Variants in SMAP2 observed in about 807,000 individuals in gnomAD.
SMAP2 encodes the protein small ArfGAP2, also known as stromal membrane-associated protein 2.
A neutral mutation model predicts 56.4 loss-of-function variants in SMAP2; 25 were observed. That is an observed-to-expected ratio of 0.44 (90% confidence interval 0.32 to 0.62). The LOEUF is 0.62. SMAP2 is among the 20% of genes least tolerant of loss of function. SMAP2 has a pLI of 0.04. For missense variants in SMAP2, 388 were observed against 545.6 expected, an observed-to-expected ratio of 0.71 and a Z score of 2.88; for synonymous variants, 157 against 181.7, an observed-to-expected ratio of 0.86 and a Z score of 1.09.
chr1:40,401,971 A>G lies in SMAP2; in HGVS notation c.104-4765A>G, dbSNP rs1056745313. On this transcript the variant is annotated intron_variant, in intron 1 of 9. Transcript: ENST00000372718. ...GTTTTAGTATTGCTTGATGCTGCCC[A>G]CGCCTGCTCTTAGGCTCCTGTTGAA... Among the ~76,000 whole-genome samples, 15 of 152,276 alleles carry G rather than the reference A, an allele frequency of 9.9e-5. 1 individual carries two copies. The highest frequency in any genetic ancestry group is 5.8e-4 in the East Asian group (3 of 5,182).
rs191338386 is a variant in SMAP2, at chr1:40,407,007, A to T, written c.237+138A>T. ...TAAACACTTAACATCAGATTCTTGT[A>T]CCCTAACAGAAATTTTTATTCTTTC... On this transcript the variant is annotated intron_variant, in intron 2 of 9. Coordinates refer to ENST00000372718, the MANE Select transcript of SMAP2 (RefSeq NM_022733.3). The T allele has an allele frequency of 2.9e-4, 245 of 841,668 alleles. No individual in the cohort carries two copies. The African/African-American group carries it at 3.3e-3, about 11-fold the overall frequency. The allele number at this position is 841,668 out of a possible 1,614,324, so 52.1% of individuals were successfully genotyped here.
chr1:40,363,723 G>T (rs1478202480), intron 2 of SMAP2, among the ~76,000 whole-genome samples: 6 of 152,178 alleles, frequency 3.9e-5, no homozygotes, highest in Non-Finnish European at 5.9e-5. Context: ...GTCTTGAATT[G>T]CTGATGCCAC....
At position 40,386,889 on chromosome 1, in the gene SMAP2, C is replaced by T. The variant is rs998493460; in HGVS notation, c.103+12666C>T. Among the ~76,000 whole-genome samples the T allele has an allele frequency of 6.9e-6, 1 of 145,308 alleles. No individual in the cohort carries two copies. The highest frequency in any genetic ancestry group is 2.6e-5 in the African/African-American group (1 of 38,534). On this transcript the variant is annotated intron_variant, in intron 1 of 9. Coordinates refer to ENST00000372718, the MANE Select transcript of SMAP2 (RefSeq NM_022733.3). The surrounding 1 kb of genome is among the most constrained non-coding windows in gnomAD (Gnocchi z 4.1). The stretch of plus-strand genomic sequence containing the variant: ...TTTTTTTTGGAGACAAGGTCTCTCG[C>T]TCCGTCGCCCAAGCTGGAGTACAGT...
At chr1:40,359,727 T>C (rs1047168521) in intron 1 of SMAP2, among the ~76,000 whole-genome samples, 5 of 152,180 alleles carry the variant, frequency 3.3e-5, no homozygotes, top group African/African-American at 1.2e-4. Context: ...CTGCAAATCA[T>C]CTCTTATAAC....
chr1:40,374,510 G>T lies in SMAP2; in HGVS notation c.103+287G>T. ...ATGTCTGTATTTGAGGGCTCTGAAT[G>T]AGTTCTGGGCCGGCTGTCCAGAGAG... On this transcript the variant is annotated intron_variant, in intron 1 of 9. Coordinates refer to ENST00000372718, the MANE Select transcript of SMAP2 (RefSeq NM_022733.3). The surrounding 1 kb of genome is among the most constrained non-coding windows in gnomAD (Gnocchi z 5.9). The T allele has an allele frequency of 1.3e-6, 1 of 772,172 alleles. No individual in the cohort carries two copies. Among genetic ancestry groups the T allele is most frequent in the South Asian group, 1.7e-5 (1 of 59,884 alleles). The allele number at this position is 772,172 out of a possible 1,614,324, so 47.8% of individuals were successfully genotyped here.
At chr1:40,377,821 T>C (rs1044278886) in intron 1 of SMAP2, among the ~76,000 whole-genome samples, 1 of 152,210 alleles carries the variant, frequency 6.6e-6, no homozygotes, top group African/African-American at 2.4e-5. Flanking sequence ...CTATCTTATT[T>C]ACCATGAAAG....
intron 1 of SMAP2, among the ~76,000 whole-genome samples, chr1:40,390,836 G>A (rs957978960): frequency 6.6e-6 from 1 of 152,084 alleles, no homozygotes; most frequent in African/African-American, 2.4e-5. Flanking sequence ...CATTCCTAAG[G>A]TTTGTTACAA....
At chr1:40,393,027 G>A (rs1308559433) in intron 1 of SMAP2, among the ~76,000 whole-genome samples, 1 of 151,674 alleles carries the variant, frequency 6.6e-6, no homozygotes, top group East Asian at 1.9e-4. Flanking sequence ...GCTTGAACCC[G>A]GGAGGCGGAG....
At chr1:40,414,495 A>G (rs1391125400) in intron 6 of SMAP2, among the ~76,000 whole-genome samples, 1 of 152,186 alleles carries the variant, frequency 6.6e-6, no homozygotes, top group Non-Finnish European at 1.5e-5. Flanking sequence ...TGTGTTACTT[A>G]CTGTCTGTGT....
At chr1:40,403,712 C>A (rs760909508) in intron 1 of SMAP2, 32 of 911,312 alleles carry the variant, frequency 3.5e-5, no homozygotes, top group Non-Finnish European at 4.2e-5. Flanking sequence ...CTATTGTACA[C>A]GTTTTATAGA....
At chr1:40,409,167 C>T (rs983371764) in intron 3 of SMAP2, among the ~76,000 whole-genome samples, 1 of 152,216 alleles carries the variant, frequency 6.6e-6, no homozygotes. Context: ...TTGTCAATAA[C>T]CAATAACTTT....
intron 1 of SMAP2, among the ~76,000 whole-genome samples, chr1:40,402,023 CTTGTG>C (rs1292625756): frequency 6.6e-6 from 1 of 152,020 alleles, no homozygotes; most frequent in Non-Finnish European, 1.5e-5. Context: ...TGACCTTGTT[CTTGTG>C]TTGTGCCGAT....
intron 1 of SMAP2, chr1:40,393,556 T>C (rs1012719650): frequency 1.3e-4 from 198 of 1,483,834 alleles, no homozygotes; most frequent in Non-Finnish European, 1.7e-4. Context: ...TTTTTTTTTT[T>C]TTTTTTTGTG....
intron 9 of SMAP2, among the ~76,000 whole-genome samples, chr1:40,420,396 G>C (rs961122388): frequency 1.3e-5 from 2 of 152,090 alleles, no homozygotes; most frequent in African/African-American, 2.4e-5. Context: ...ACATCAAAAA[G>C]AGTAACAACA....
At chr1:40,349,803 G>A (rs372674140) in intron 1 of SMAP2, among the ~76,000 whole-genome samples, 4 of 152,340 alleles carry the variant, frequency 2.6e-5, no homozygotes, top group South Asian at 2.1e-4. Flanking sequence ...ATAGGCGTGA[G>A]CCACCATGCC....
intron 4 of SMAP2, 147 bp from the exon 5 acceptor site, chr1:40,412,869 C>A (rs1644950370): frequency 1.6e-6 from 1 of 614,730 alleles, no homozygotes; most frequent in Non-Finnish European, 2.8e-6. Flanking sequence ...ATGCTCCACA[C>A]CAAGACACCG....
At chr1:40,353,227 T>C (rs1331581426) in intron 1 of SMAP2, among the ~76,000 whole-genome samples, 1 of 152,182 alleles carries the variant, frequency 6.6e-6, no homozygotes, top group African/African-American at 2.4e-5. Flanking sequence ...ACAGCTAAGA[T>C]TGGGGACATT....
At chr1:40,358,163 G>T (rs985424998) in intron 1 of SMAP2, among the ~76,000 whole-genome samples, 1 of 151,962 alleles carries the variant, frequency 6.6e-6, no homozygotes, top group Non-Finnish European at 1.5e-5. Flanking sequence ...TAATTCTTAT[G>T]TATTTTACTT....
chr1:40,374,548 G>A lies in SMAP2; in HGVS notation c.103+325G>A. 9.6e-7 allele frequency: 1 copy of A among 1,043,338 alleles called. No individual in the cohort carries two copies. Among genetic ancestry groups the A allele is most frequent in the Non-Finnish European group, 1.4e-6 (1 of 693,822 alleles). 64.6% of individuals were successfully genotyped at this position (1,043,338 alleles called of 1,614,324 possible). On this transcript the variant is annotated intron_variant, in intron 1 of 9. Transcript: ENST00000372718. The surrounding 1 kb of genome is among the most constrained non-coding windows in gnomAD (Gnocchi z 5.9). The stretch of plus-strand genomic sequence containing the variant: ...GCTGTCCAGAGAGAGCTCCCAGCAT[G>A]TCACTTGCAAAGCTGGGGATGAACT...
Sources: allele counts gnomAD v4.1 joint callset (sites outside exome capture counted in the v4.1 genomes callset), GRCh38; gene constraint gnomAD v4.1.1; non-coding constraint Gnocchi (gnomAD v3.1); transcripts MANE v1.5; gene names NCBI Gene and HGNC (gene_info 2026-07-23, HGNC 2026-07-21).